The following NLRP12 variants were observed in gnomAD, a reference collection of about 807,000 sequenced individuals.
The protein encoded by NLRP12 is NLR family pyrin domain containing 12.
A neutral mutation model predicts 91.2 loss-of-function variants in NLRP12; 108 were observed. The observed-to-expected ratio is 1.18, with a 90% CI of 1.01 to 1.39. NLRP12 has a LOEUF of 1.39. Ranked by LOEUF, NLRP12 falls within the 40% of genes most tolerant of loss-of-function variation. The probability of loss-of-function intolerance (pLI) is 0.00; values close to 1 mark genes in which losing one functional copy is unlikely to be tolerated. For missense variants in NLRP12, 1,530 were observed against 1,352.7 expected (o/e 1.13, Z -2.06); for synonymous variants, 613 against 566.7 (o/e 1.08, Z -1.16).
chr19:53,819,626 C>CGCGTATATATGTATGTATACGTATATAT lies in NLRP12; in HGVS notation c.289+4232_289+4259dup. ...ATATATATGTATGTATACGTATATA[C>CGCGTATATATGTATGTATACGTATATAT]GCGTATATATGTATGTATACGTATA... On this transcript the variant is annotated intron_variant, in intron 1 of 9. Coordinates refer to ENST00000324134, the MANE Select transcript of NLRP12 (RefSeq NM_144687.4). Among the ~76,000 whole-genome samples, 2 of 41,592 alleles carry CGCGTATATATGTATGTATACGTATATAT rather than the reference C, an allele frequency of 4.8e-5. 1 individual carries two copies. The highest frequency in any genetic ancestry group is 1.4e-3 in the South Asian group (2 of 1,452). 27.3% of individuals were successfully genotyped at this position (41,592 alleles called of 152,430 possible).
At position 53,801,304 on chromosome 19, in the gene NLRP12, C is replaced by T. The variant is rs542637537; in HGVS notation, c.2679G>A (p.Leu893=). 1 of 1,614,018 alleles carries T rather than the reference C, an allele frequency of 6.2e-7. No individual in the cohort carries two copies. Among genetic ancestry groups the T allele is most frequent in the African/African-American group, 1.3e-5 (1 of 75,012 alleles). The change falls in exon 7 of 10, where the codon CTG becomes CTA. Residue 893 remains leucine, a synonymous_variant. Transcript: ENST00000324134. ...NQSLRELDLS[L]NELGDLGVLL... ...GCACCCCGAGGTCCCCCAGCTCATT[C>T]AGGCTCAGGTCCAGCTCTCTCAGGC... is the stretch of plus-strand genomic sequence containing the variant.
At position 53,817,234 on chromosome 19, in the gene NLRP12, A is replaced by T. The variant is rs576817191; in HGVS notation, c.290-2246T>A. On this transcript the variant is annotated intron_variant, in intron 1 of 9. Transcript: ENST00000324134. ...TACCTGATGTCAGGAGTTCAAGACT[A>T]GCCTTACCAACGTGGTGAAACCTTG... is the stretch of plus-strand genomic sequence containing the variant. 7.9e-5 allele frequency among the ~76,000 whole-genome samples: 12 copies of T among 152,078 alleles called. No individual in the cohort carries two copies. In the East Asian group the frequency reaches 2.3e-3, roughly 30 times the overall value.
chr19:53,817,464 G>A (rs1026703004), intron 1 of NLRP12, among the ~76,000 whole-genome samples: 5 of 151,544 alleles, frequency 3.3e-5, no homozygotes, highest in Non-Finnish European at 5.9e-5. Flanking sequence ...GGCTGGGCGC[G>A]GTGGCTCATG....
At chr19:53,817,313 C>T (rs2092176147) in intron 1 of NLRP12, among the ~76,000 whole-genome samples, 1 of 152,060 alleles carries the variant, frequency 6.6e-6, no homozygotes, top group South Asian at 2.1e-4. Context: ...GCCTGTAATC[C>T]CAGCTACTCG....
chr19:53,795,330 C>T (rs1469979822), intron 9 of NLRP12, among the ~76,000 whole-genome samples: 1 of 151,882 alleles, frequency 6.6e-6, no homozygotes, highest in Non-Finnish European at 1.5e-5. Context: ...ATCACAGTGA[C>T]CTCCAATGCA....
chr19:53,793,694 C>T, downstream of NLRP12: 1 of 342,118 alleles, frequency 2.9e-6, no homozygotes, highest in Non-Finnish European at 5.6e-6. Context: ...AAGCGATTCT[C>T]CTGCCTCAGC....
intron 8 of NLRP12, 81 bp downstream of exon 8, chr19:53,798,162 T>C: frequency 1.4e-6 from 2 of 1,451,148 alleles, no homozygotes; most frequent in Admixed American, 3.3e-5. Flanking sequence ...GGATAGTTCA[T>C]AAATAGAAAA....
intron 4 of NLRP12, among the ~76,000 whole-genome samples, chr19:53,806,984 C>G (rs1390157114): frequency 6.6e-6 from 1 of 152,132 alleles, no homozygotes; most frequent in African/African-American, 2.4e-5. Context: ...AGAACTTAAC[C>G]TGCCCACTCC....
chr19:53,810,957 C>T lies in NLRP12; in HGVS notation c.702G>A (p.Trp234Ter). Reference protein sequence around the residue: ...SMLAHKVMLDWADGKLFQGRF... With the variant: ...SMLAHKVMLD Reference sequence around the variant, plus strand: ...TGCCTTGGAAGAGCTTCCCGTCCGCCCAGTCCAGCATCACCTTGTGTGCCA... The same window carrying T: ...TGCCTTGGAAGAGCTTCCCGTCCGCTCAGTCCAGCATCACCTTGTGTGCCA... The change falls in exon 3 of 10, where the codon TGG (tryptophan) becomes TGA (stop). Residue 234 changes from tryptophan (W) to a stop codon, truncating the protein, a stop_gained. Coordinates refer to ENST00000324134, the MANE Select transcript of NLRP12 (RefSeq NM_144687.4). LOFTEE classifies it high-confidence loss of function. The T allele has an allele frequency of 6.2e-7, 1 of 1,614,144 alleles. No individual in the cohort carries two copies. The highest frequency in any genetic ancestry group is 8.5e-7 in the Non-Finnish European group (1 of 1,180,044).
At chr19:53,799,055 C>G (rs1196904525) in intron 7 of NLRP12, among the ~76,000 whole-genome samples, 1 of 145,512 alleles carries the variant, frequency 6.9e-6, no homozygotes, top group African/African-American at 2.6e-5. Context: ...CAATGTCGCC[C>G]AGGCTGGAGT....
chr19:53,794,162 T>A, intron 9 of NLRP12, 26 bp from the exon 10 acceptor site: 2 of 1,433,568 alleles, frequency 1.4e-6, no homozygotes, highest in Non-Finnish European at 2.0e-6. Flanking sequence ...TTGATATTAT[T>A]CCAGTGTACT....
chr19:53,816,808 C>T (rs2092166973), intron 1 of NLRP12, among the ~76,000 whole-genome samples: 1 of 151,550 alleles, frequency 6.6e-6, no homozygotes. Flanking sequence ...TCCCAAAGTG[C>T]TGGGATTACA....
At chr19:53,808,079 T>TA (rs377572520) in intron 3 of NLRP12, 2 of 351,460 alleles carry the variant, frequency 5.7e-6, no homozygotes, top group Non-Finnish European at 1.1e-5. Context: ...TTTTTTTTTT[T>TA]AGAGGGCCTT....
In NLRP12 at chr19:53,808,112, G is replaced by A. The variant is rs939974146; in HGVS notation, c.2073-447C>T. On this transcript the variant is annotated intron_variant, in intron 3 of 9. Transcript: ENST00000324134. The stretch of plus-strand genomic sequence containing the variant: ...CTTGCCCTGTTGTCTAGGCTGGAGT[G>A]CATGGTGAGATCATGGCTCACTGTA... The A allele has an allele frequency of 1.2e-5, 4 of 335,654 alleles. No homozygotes were observed. The Admixed American group carries it at 1.6e-4, about 13-fold the overall frequency. The allele number at this position is 335,654 out of a possible 1,614,324, so 20.8% of individuals were successfully genotyped here.
At chr19:53,815,086 T>C (rs1263657605) in intron 1 of NLRP12, 98 bp from the exon 2 acceptor site, 10 of 891,188 alleles carry the variant, frequency 1.1e-5, no homozygotes, top group South Asian at 6.7e-5. Context: ...CATAACTCCC[T>C]GGTCACCCGC....
chr19:53,795,802 C>T (rs1568654011), intron 9 of NLRP12, 57 bp downstream of exon 9: 18 of 1,533,516 alleles, frequency 1.2e-5, no homozygotes, highest in Non-Finnish European at 1.5e-5. Context: ...TATCTACCCT[C>T]ATGCTCCCAG....
At chr19:53,815,800 C>A in intron 1 of NLRP12, among the ~76,000 whole-genome samples, 1 of 151,646 alleles carries the variant, frequency 6.6e-6, no homozygotes, top group East Asian at 2.0e-4. Context: ...TTAGTAGAGA[C>A]AGGGTTTCAC....
Position 53,803,970 on chromosome 19 carries a change from C to T in NLRP12, c.2567G>A (p.Cys856Tyr). Residue 856 changes from cysteine to tyrosine, a missense_variant, in exon 6 of 10, where the codon TGC becomes TAC. Coordinates refer to ENST00000324134, the MANE Select transcript of NLRP12 (RefSeq NM_144687.4). ...LLCQGLRHPV[C>Y]RLRTLWLKIC... ...AACTCACCACAAAGTCCGTAGTCTG[C>T]AGACTGGGTGCCTCAGTCCCTGGCA... 2 of 1,614,108 alleles carry T rather than the reference C, an allele frequency of 1.2e-6. No homozygotes were observed. Among genetic ancestry groups the T allele is most frequent in the Non-Finnish European group, 1.7e-6 (2 of 1,179,994 alleles).
At chr19:53,809,540 A>AT in intron 3 of NLRP12, 47 bp downstream of exon 3, 2 of 1,448,306 alleles carry the variant, frequency 1.4e-6, no homozygotes, top group Non-Finnish European at 1.9e-6. Flanking sequence ...AAAAAAAAAA[A>AT]ACACACGAAC....
Sources: allele counts gnomAD v4.1 joint callset (sites outside exome capture counted in the v4.1 genomes callset), GRCh38; gene constraint gnomAD v4.1.1; transcripts MANE v1.5; gene names NCBI Gene and HGNC (gene_info 2026-07-23, HGNC 2026-07-21).